The following MACF1 variants were observed in gnomAD, a reference collection of about 807,000 sequenced individuals.
MACF1 encodes the protein microtubule-actin cross-linking factor 1.
Under a neutral mutation model 854.8 loss-of-function variants are expected in MACF1, and 193 were observed. That is an observed-to-expected ratio of 0.23 (90% CI 0.20 to 0.25). The LOEUF (loss-of-function observed/expected upper bound fraction) is 0.25, where lower values mean the gene tolerates loss of function less well. Among genes scored for constraint, MACF1 ranks in the 10% least tolerant of loss-of-function variants. The probability of loss-of-function intolerance (pLI) is 1.00; values close to 1 mark genes in which losing one functional copy is unlikely to be tolerated. For synonymous variants in MACF1, 3,185 were observed against 3,226.7 expected, an observed-to-expected ratio of 0.99 and a Z score of 0.44; for missense variants, 7,722 against 8,929.1, an observed-to-expected ratio of 0.86 and a Z score of 5.45.
Position 39,448,713 on chromosome 1 carries a change from A to G in MACF1, c.20208A>G (p.Leu6736=), listed in dbSNP as rs1355390945. ...ATAGTCAGAAACTTGACAATTTCCT[A>G]GGAGAAGTCAGAGACAAATGGGATA... The part of the protein sequence containing the change: ...PEDSQKLDNF[L]GEVRDKWDTV... Residue 6736 remains leucine, a synonymous_variant, in exon 84 of 101, where the codon CTA becomes CTG. Coordinates refer to ENST00000564288, the MANE Select transcript of MACF1 (RefSeq NM_001394062.1). 4 of 1,613,514 alleles carry G rather than the reference A, an allele frequency of 2.5e-6. No individual in the cohort carries two copies. In the South Asian group the frequency reaches 3.3e-5, roughly 13 times the overall value.
chr1:39,127,044 G>A (rs985201437), intron 2 of MACF1, among the ~76,000 whole-genome samples: 9 of 151,820 alleles, frequency 5.9e-5, no homozygotes, highest in Admixed American at 3.9e-4. Context: ...CCAACATGGC[G>A]AAACCCCGAC....
intron 2 of MACF1, among the ~76,000 whole-genome samples, chr1:39,147,009 T>C (rs1222747477): frequency 6.6e-6 from 1 of 152,000 alleles, no homozygotes; most frequent in Non-Finnish European, 1.5e-5. Context: ...TTTATTTTCT[T>C]CTTCTTCTTT....
chr1:39,236,506 A>C (rs767748441), intron 2 of MACF1, among the ~76,000 whole-genome samples: 10 of 151,574 alleles, frequency 6.6e-5, no homozygotes, highest in Non-Finnish European at 1.2e-4. Context: ...CCCTGACTAT[A>C]CTCCTTATGT....
intron 32 of MACF1, 42 bp downstream of exon 32, chr1:39,322,757 A>C: frequency 6.3e-7 from 1 of 1,595,052 alleles, no homozygotes; most frequent in Non-Finnish European, 8.6e-7. Flanking sequence ...GTCTTCCCTT[A>C]AGGAAAGATT....
At position 39,452,163 on chromosome 1, in the gene MACF1, A is replaced by G; in HGVS notation, c.20426A>G (p.Gln6809Arg). Residue 6809 changes from glutamine to arginine, a missense_variant, in exon 86 of 101, where the codon CAG becomes CGG. By Grantham distance (43) the Gln-to-Arg change is conservative. Coordinates refer to ENST00000564288, the MANE Select transcript of MACF1 (RefSeq NM_001394062.1). ...TCCTATTTTCTTTTCTAGGTTTTCC[A>G]GAAGGAACTGGGAAAGCGAACAGGA... ...MNLMDAHKVF[Q>R]KELGKRTGTV... 6.3e-7 allele frequency: 1 copy of G among 1,588,550 alleles called. No individual in the cohort carries two copies. The highest frequency in any genetic ancestry group is 1.1e-5 in the South Asian group (1 of 87,118).
intron 86 of MACF1, 126 bp from the exon 87 acceptor site, chr1:39,452,558 C>A: frequency 7.9e-7 from 1 of 1,272,006 alleles, no homozygotes; most frequent in Non-Finnish European, 1.1e-6. Context: ...GAAAGATAAC[C>A]TTTGTGGAGT....
chr1:39,378,466 A>G lies in MACF1; in HGVS notation c.13219A>G (p.Ile4407Val), dbSNP rs765685285. 3.7e-6 allele frequency: 6 copies of G among 1,613,860 alleles called. No individual in the cohort carries two copies. In the African/African-American group the frequency reaches 4.0e-5, roughly 11 times the overall value. ...CTCCCTGTCCTTCTGCTCAGGTTCC[A>G]TACTGCCCTCTGTAGGAAGCTCTGT... ...APDSQGKTGS[I>V]LPSVGSSVGS... The change falls in exon 53 of 101, where the codon ATA becomes GTA. Residue 4407 changes from isoleucine (I) to valine (V), a missense_variant. Transcript: ENST00000564288.
intron 2 of MACF1, among the ~76,000 whole-genome samples, chr1:39,140,349 C>G (rs1006003976): frequency 6.6e-6 from 1 of 152,152 alleles, no homozygotes; most frequent in Admixed American, 6.5e-5. Context: ...GTTAGAATTA[C>G]TTGTGTAAAT....
chr1:39,257,974 T>C lies in MACF1; in HGVS notation c.474T>C (p.Asp158=). 1.9e-6 allele frequency: 3 copies of C among 1,614,204 alleles called. No homozygotes were observed. The highest frequency in any genetic ancestry group is 2.5e-6 in the Non-Finnish European group (3 of 1,180,018). ...ATATTCGCAATGATGACATCACAGA[T>C]GGCAACCCCAAGTTGACCCTGGGTC... ...LVNIRNDDIT[D]GNPKLTLGLI... Residue 158 remains aspartate (D), a synonymous_variant, in exon 6 of 101, where the codon GAT becomes GAC. Transcript: ENST00000564288.
rs1280465485 is a variant in MACF1 at position 39,332,377 on chromosome 1, A to G, written c.5789A>G (p.Gln1930Arg). ...ATACCTGATGTGATGCCCCACATGC[A>G]ACTAGCAGACTCTGCAGAACAAAAT... ...ICIPDVMPHM[Q>R]LADSAEQNIN... Residue 1930 changes from glutamine to arginine, a missense_variant, in exon 37 of 101, where the codon CAA becomes CGA. Gln to Arg is a conservative substitution (Grantham distance 43). Coordinates refer to ENST00000564288, the MANE Select transcript of MACF1 (RefSeq NM_001394062.1). 2 of 1,614,138 alleles carry G rather than the reference A, an allele frequency of 1.2e-6. No homozygotes were observed. The highest frequency in any genetic ancestry group is 1.7e-6 in the Non-Finnish European group (2 of 1,180,028).
intron 97 of MACF1, 70 bp from the exon 98 acceptor site, chr1:39,479,728 C>T (rs1020719563): frequency 2.1e-5 from 29 of 1,368,318 alleles, no homozygotes; most frequent in Middle Eastern, 1.8e-4. Flanking sequence ...GGGGTCAAGC[C>T]GCTGTATAAC....
chr1:39,325,062 C>T (rs1466170611), intron 35 of MACF1, among the ~76,000 whole-genome samples: 1 of 152,152 alleles, frequency 6.6e-6, no homozygotes, highest in Non-Finnish European at 1.5e-5. Context: ...AACAAAGAGA[C>T]TAATATTCAA....
chr1:39,463,522 C>A, intron 93 of MACF1, 90 bp from the exon 94 acceptor site: 2 of 845,478 alleles, frequency 2.4e-6, no homozygotes, highest in South Asian at 1.5e-5. Context: ...TAATGAATAG[C>A]CTCCCTGTTA....
rs779391040 is a variant in MACF1, at chr1:39,331,699, C to G, written c.5111C>G (p.Thr1704Arg). The G allele has an allele frequency of 8.7e-6, 14 of 1,614,206 alleles. No individual in the cohort carries two copies. In the South Asian group the frequency reaches 1.5e-4, roughly 18 times the overall value. Residue 1704 changes from threonine (T) to arginine (R), a missense_variant, in exon 37 of 101, where the codon ACA (threonine) becomes AGA (arginine). Thr to Arg is a moderately conservative substitution (Grantham distance 71). Transcript: ENST00000564288. The part of the protein sequence containing the change: ...RTSKNLIDPN[T>R]AEKIGLLDLM... ...TCCAAGAATTTGATAGACCCTAACACAGCTGAGAAAATTGGTTTGCTGGAT... is the reference window on the plus strand; with the variant it reads ...TCCAAGAATTTGATAGACCCTAACAGAGCTGAGAAAATTGGTTTGCTGGAT...
chr1:39,310,148 C>A, intron 24 of MACF1, 97 bp from the exon 25 acceptor site: 1 of 910,526 alleles, frequency 1.1e-6, no homozygotes, highest in Non-Finnish European at 1.6e-6. Flanking sequence ...ATGGTTTATG[C>A]ACTGTTTTGT....
chr1:39,397,813 A>G (rs1450129527), intron 58 of MACF1, among the ~76,000 whole-genome samples: 1 of 152,206 alleles, frequency 6.6e-6, no homozygotes, highest in Non-Finnish European at 1.5e-5. Flanking sequence ...AAAAATCTTC[A>G]GTTGAACCAT....
chr1:39,173,798 T>G (rs1643986633), intron 2 of MACF1, among the ~76,000 whole-genome samples: 1 of 152,194 alleles, frequency 6.6e-6, no homozygotes, highest in African/African-American at 2.4e-5. Flanking sequence ...AGCCTAACAT[T>G]TTCATATTTC....
chr1:39,235,564 T>C (rs1644851200), intron 2 of MACF1, among the ~76,000 whole-genome samples: 2 of 152,244 alleles, frequency 1.3e-5, no homozygotes. Context: ...AGTTAATCAC[T>C]TGTAGCTCAG....
chr1:39,158,925 T>C (rs539486765), intron 2 of MACF1, among the ~76,000 whole-genome samples: 2 of 152,322 alleles, frequency 1.3e-5, no homozygotes, highest in African/African-American at 4.8e-5. Context: ...CACTGTGCCA[T>C]GGTGCCTACT....
Sources: gnomAD v4.1 joint callset for allele counts (sites outside exome capture counted in the v4.1 genomes callset) on GRCh38, gnomAD v4.1.1 for gene constraint, MANE v1.5 for transcripts, NCBI Gene and HGNC (gene_info 2026-07-23, HGNC 2026-07-21) for gene names.